Variants in PWWP2A observed in about 807,000 individuals in gnomAD.
The protein encoded by PWWP2A is PWWP domain containing 2A, also known as PWWP domain-containing protein 2A.
A neutral mutation model predicts 48.5 loss-of-function variants in PWWP2A; 18 were observed. That is an observed-to-expected ratio of 0.37 (90% confidence interval 0.26 to 0.55). PWWP2A has a LOEUF of 0.55. PWWP2A is among the 20% of genes least tolerant of loss of function. The pLI is 0.81. For synonymous variants in PWWP2A, 396 were observed against 387.7 expected (o/e 1.02, Z -0.25); for missense variants, 867 against 976.4 (o/e 0.89, Z 1.49).
chr5:160,096,056 C>T (rs1755615971), intron 1 of PWWP2A, among the ~76,000 whole-genome samples: 1 of 152,114 alleles, frequency 6.6e-6, no homozygotes, highest in Non-Finnish European at 1.5e-5. Context: ...ATATTAGGTA[C>T]TAACAGCTGT....
At chr5:160,065,247 T>A in intron 4 of PWWP2A, 2 of 862,808 alleles carry the variant, frequency 2.3e-6, no homozygotes, top group Non-Finnish European at 3.7e-6. Context: ...CTTCCTGATG[T>A]AATGAACCTA....
At chr5:160,081,234 AC>A (rs1236610270) in intron 2 of PWWP2A, among the ~76,000 whole-genome samples, 1 of 129,672 alleles carries the variant, frequency 7.7e-6, no homozygotes, top group Non-Finnish European at 1.6e-5. Context: ...GAGCTCAATG[AC>A]CCCCTTTTTT....
chr5:160,070,691 CAT>C (rs1007699455), intron 2 of PWWP2A, among the ~76,000 whole-genome samples: 1 of 152,148 alleles, frequency 6.6e-6, no homozygotes, highest in Non-Finnish European at 1.5e-5. Context: ...ACTAAGCCTA[CAT>C]GTTATAGATG....
downstream of PWWP2A, among the ~76,000 whole-genome samples, chr5:160,089,002 A>C (rs571277992): frequency 2.3e-4 from 35 of 152,250 alleles, no homozygotes; most frequent in South Asian, 6.2e-4. Context: ...CATTTTGTTG[A>C]TTTTAGTATC....
chr5:160,101,276 G>A (rs1403571815), intron 1 of PWWP2A, among the ~76,000 whole-genome samples: 1 of 152,210 alleles, frequency 6.6e-6, no homozygotes, highest in African/African-American at 2.4e-5. Flanking sequence ...TGTGAACCCA[G>A]GAGGCAGAGG....
intron 2 of PWWP2A, among the ~76,000 whole-genome samples, chr5:160,083,090 A>AAC (rs574219081): frequency 9.3e-4 from 142 of 152,350 alleles, no homozygotes; most frequent in African/African-American, 3.2e-3. Flanking sequence ...AGCATGATGC[A>AAC]ACATGAACAA....
At chr5:160,071,565 C>CT (rs1274218312), downstream of PWWP2A, among the ~76,000 whole-genome samples, 1 of 152,192 alleles carries the variant, frequency 6.6e-6, no homozygotes, top group Non-Finnish European at 1.5e-5. Context: ...TGGGAAAGAT[C>CT]TTTAAGAGGA....
At chr5:160,105,344 G>A (rs1042493306) in intron 1 of PWWP2A, among the ~76,000 whole-genome samples, 1 of 150,748 alleles carries the variant, frequency 6.6e-6, no homozygotes, top group Non-Finnish European at 1.5e-5. Flanking sequence ...GTCAGGAGAT[G>A]GAGACCATCC....
At chr5:160,109,774 A>T (rs13158218) in intron 1 of PWWP2A, among the ~76,000 whole-genome samples, 987 of 24,892 alleles carry the variant, frequency 0.04, 19 homozygotes, top group African/African-American at 0.073. Flanking sequence ...AAAAAAAAAA[A>T]ATATATATAT....
chr5:160,076,501 GCTGA>G (rs761000855), exon 4 of PWWP2A: 1 of 152,104 alleles, frequency 6.6e-6, no homozygotes, highest in South Asian at 2.1e-4. Flanking sequence ...CAGTTCCTGA[GCTGA>G]CTTTTTCTGA....
intron 1 of PWWP2A, among the ~76,000 whole-genome samples, chr5:160,116,190 G>A (rs1293839641): frequency 6.6e-6 from 1 of 152,090 alleles, no homozygotes; most frequent in Non-Finnish European, 1.5e-5. Flanking sequence ...AAGTAGCTGG[G>A]ACCACAGGCA....
chr5:160,051,874 T>C, the PWWP2A span, among the ~76,000 whole-genome samples: 1 of 152,246 alleles, frequency 6.6e-6, no homozygotes, highest in Non-Finnish European at 1.5e-5. Flanking sequence ...ATTTTCCTTT[T>C]TGAGTATTTT....
At chr5:160,090,937 GA>G (rs1432766191), downstream of PWWP2A, 6 of 984,890 alleles carry the variant, frequency 6.1e-6, no homozygotes, top group African/African-American at 1.0e-4. Context: ...GGACCATGTA[GA>G]AAAATAGTAA....
downstream of PWWP2A, among the ~76,000 whole-genome samples, chr5:160,059,776 A>G (rs754369550): frequency 3.9e-5 from 6 of 152,212 alleles, no homozygotes; most frequent in Non-Finnish European, 7.3e-5. Flanking sequence ...AACCTCACAG[A>G]TCATTGATTA....
At chr5:160,099,862 C>T (rs971801357) in intron 1 of PWWP2A, among the ~76,000 whole-genome samples, 2 of 151,608 alleles carry the variant, frequency 1.3e-5, no homozygotes, top group Non-Finnish European at 2.9e-5. Flanking sequence ...GATGGAGTTT[C>T]GCCATGTTGG....
At chr5:160,054,219 A>G in the PWWP2A span, among the ~76,000 whole-genome samples, 1 of 152,238 alleles carries the variant, frequency 6.6e-6, no homozygotes, top group African/African-American at 2.4e-5. Context: ...GACCCTGGAC[A>G]TAGCATCCCA....
rs1241325432 is a variant in PWWP2A at position 160,092,605 on chromosome 5, T to C, written c.2045A>G (p.Asp682Gly). The change falls in exon 2 of 2, where the codon GAT becomes GGT. Residue 682 changes from aspartate (D) to glycine (G), a missense_variant. Coordinates refer to ENST00000307063, the MANE Select transcript of PWWP2A (RefSeq NM_001130864.2). ...CTCCTGTCGGACTAAAAGGCCGTTA[T>C]CTTTCCGGCTCACAGTTATAGTAAG... ...RILTITVSRK[D>G]NGLLVRQEAR... The C allele has an allele frequency of 1.3e-6, 2 of 1,551,592 alleles. No individual in the cohort carries two copies. The highest frequency in any genetic ancestry group is 8.7e-7 in the Non-Finnish European group (1 of 1,147,000).
At chr5:160,104,038 G>T (rs2546368) in intron 1 of PWWP2A, among the ~76,000 whole-genome samples, 2 of 149,632 alleles carry the variant, frequency 1.3e-5, no homozygotes, top group East Asian at 2.0e-4. Context: ...CCAGGGTAAT[G>T]GCGTGAACCT....
chr5:160,061,751 TTATC>T (rs1178239320), downstream of PWWP2A: 1 of 152,180 alleles, frequency 6.6e-6, no homozygotes, highest in Admixed American at 6.5e-5. Context: ...AAAAGAATAA[TTATC>T]TATGTGTTAG....
Sources: allele counts gnomAD v4.1 joint callset (sites outside exome capture counted in the v4.1 genomes callset), GRCh38; gene constraint gnomAD v4.1.1; transcripts MANE v1.5; gene names NCBI Gene and HGNC (gene_info 2026-07-23, HGNC 2026-07-21).